THSD4: variants seen among roughly 807,000 people sequenced by gnomAD.
The protein encoded by THSD4 is thrombospondin type-1 domain-containing protein 4.
Under a neutral mutation model 119.0 loss-of-function variants are expected in THSD4, and 69 were observed. The ratio of observed to expected loss-of-function variants is 0.58; its 90% CI spans 0.48 to 0.71. The LOEUF (loss-of-function observed/expected upper bound fraction) is 0.71. THSD4 is among the 30% of genes least tolerant of loss of function. The pLI is 0.00. For missense variants in THSD4, 1,393 were observed against 1,391.1 expected (o/e 1.00, Z -0.02); for synonymous variants, 524 against 540.4 (o/e 0.97, Z 0.42).
chr15:71,104,468 G>C (rs1404456548), intron 1 of THSD4, among the ~76,000 whole-genome samples: 2 of 152,116 alleles, frequency 1.3e-5, no homozygotes, highest in African/African-American at 4.8e-5. Context: ...AGATCCCACA[G>C]GGTTAGTTCT....
intron 7 of THSD4, among the ~76,000 whole-genome samples, chr15:71,442,579 A>AAAATATATAT (rs1195413080): frequency 1.5e-4 from 6 of 39,864 alleles, no homozygotes; most frequent in East Asian, 6.0e-4. Flanking sequence ...AAAAAAAAAA[A>AAAATATATAT]ATATATATAT....
intron 7 of THSD4, among the ~76,000 whole-genome samples, chr15:71,440,544 A>G (rs970571860): frequency 5.9e-5 from 9 of 152,202 alleles, no homozygotes; most frequent in East Asian, 3.8e-4. Flanking sequence ...AGACCATCCA[A>G]TATTTTTTAA....
rs1377549260 is a variant in THSD4, at chr15:71,492,428, CTATTTT to C, written c.1152+80607_1152+80612del. Reference sequence around the variant, plus strand: ...CACAGGTGCGCACCACCATGCCCATCTATTTTTGTTGTTGTTGTTGTTGTTTTTGTA... The same window carrying C: ...CACAGGTGCGCACCACCATGCCCATCTGTTGTTGTTGTTGTTGTTTTTGTA... On this transcript the variant is annotated intron_variant, in intron 7 of 17. Transcript: ENST00000261862. Among the ~76,000 whole-genome samples, 59 of 141,394 alleles carry C rather than the reference CTATTTT, an allele frequency of 4.2e-4. 1 individual carries two copies. Among genetic ancestry groups the C allele is most frequent in the African/African-American group, 1.5e-3 (55 of 37,318 alleles). The allele number at this position is 141,394 out of a possible 152,430, so 92.8% of individuals were successfully genotyped here.
intron 7 of THSD4, among the ~76,000 whole-genome samples, chr15:71,435,042 C>T (rs1470252526): frequency 6.6e-6 from 1 of 152,126 alleles, no homozygotes; most frequent in Non-Finnish European, 1.5e-5. Flanking sequence ...ATGAGCTGCA[C>T]AACAGTAGCT....
chr15:71,763,307 ATATT>A (rs2053656628), intron 15 of THSD4, among the ~76,000 whole-genome samples: 1 of 152,110 alleles, frequency 6.6e-6, no homozygotes, highest in African/African-American at 2.4e-5. Context: ...AGCAAAGCTA[ATATT>A]TAGAGTTTGA....
chr15:71,670,073 C>T (rs1488668447), intron 8 of THSD4, among the ~76,000 whole-genome samples: 10 of 152,082 alleles, frequency 6.6e-5, no homozygotes, highest in Admixed American at 1.3e-4. Context: ...TATGCCACTT[C>T]GGGTGTACCT....
intron 6 of THSD4, chr15:71,342,857 C>A (rs894142): frequency 0.98 from 149,528 of 152,346 alleles, 73,384 homozygotes; most frequent in East Asian, 1. Context: ...AGAGACAGTC[C>A]ACAAGTGTTG....
chr15:71,371,015 T>A (rs1299745932), intron 6 of THSD4, among the ~76,000 whole-genome samples: 4 of 152,214 alleles, frequency 2.6e-5, no homozygotes, highest in Admixed American at 2.6e-4. Flanking sequence ...GTTGAATTGA[T>A]CCCTTTACCA....
chr15:71,389,095 C>T (rs1336986639), intron 6 of THSD4, among the ~76,000 whole-genome samples: 1 of 152,130 alleles, frequency 6.6e-6, no homozygotes, highest in Non-Finnish European at 1.5e-5. Context: ...GAACTGAGTC[C>T]ATTAAACCTC....
intron 7 of THSD4, among the ~76,000 whole-genome samples, chr15:71,618,758 T>C (rs957645037): frequency 5.9e-5 from 9 of 152,032 alleles, no homozygotes; most frequent in African/African-American, 1.7e-4. Flanking sequence ...AAAAATTATT[T>C]GTAGAGACAG....
intron 7 of THSD4, among the ~76,000 whole-genome samples, chr15:71,617,759 G>A (rs537418343): frequency 2.1e-4 from 32 of 152,290 alleles, no homozygotes; most frequent in Non-Finnish European, 4.0e-4. Flanking sequence ...TTCTCCATTC[G>A]TGAATTTTGC....
At chr15:71,576,976 A>G (rs1346022533) in intron 7 of THSD4, among the ~76,000 whole-genome samples, 1 of 152,064 alleles carries the variant, frequency 6.6e-6, no homozygotes, top group Non-Finnish European at 1.5e-5. Flanking sequence ...AGTGATATAC[A>G]ATTACTTTTT....
chr15:71,335,737 T>C (rs2140380158), intron 6 of THSD4, among the ~76,000 whole-genome samples: 2 of 152,298 alleles, frequency 1.3e-5, no homozygotes, highest in Middle Eastern at 3.4e-3. Context: ...AACAGCTGTT[T>C]ATCTTCCTGG....
At chr15:71,276,445 G>T (rs112930418) in intron 6 of THSD4, among the ~76,000 whole-genome samples, 1 of 152,148 alleles carries the variant, frequency 6.6e-6, no homozygotes, top group Non-Finnish European at 1.5e-5. Flanking sequence ...GTCATAACGC[G>T]CAGGTCTCCT....
At chr15:71,656,391 ATAAG>A (rs1426465761) in intron 7 of THSD4, among the ~76,000 whole-genome samples, 1 of 152,236 alleles carries the variant, frequency 6.6e-6, no homozygotes, top group African/African-American at 2.4e-5. Flanking sequence ...CATTATAACA[ATAAG>A]AAAGTAATGC....
At chr15:71,718,728 C>T (rs781017759) in intron 8 of THSD4, among the ~76,000 whole-genome samples, 6 of 152,152 alleles carry the variant, frequency 3.9e-5, no homozygotes, top group Non-Finnish European at 7.3e-5. Context: ...CCCCTCCTGC[C>T]TCTGTCTTTG....
chr15:71,177,775 A>G (rs1200430260), intron 3 of THSD4, among the ~76,000 whole-genome samples: 2 of 142,226 alleles, frequency 1.4e-5, no homozygotes, highest in Non-Finnish European at 3.1e-5. Flanking sequence ...GCAGCACATC[A>G]AAAAGCTTAT....
intron 7 of THSD4, among the ~76,000 whole-genome samples, chr15:71,563,368 C>A (rs981723416): frequency 2.6e-5 from 4 of 152,170 alleles, no homozygotes; most frequent in African/African-American, 9.7e-5. Context: ...GGAACCGTAT[C>A]TTCTAAATGC....
At chr15:71,665,073 C>T (rs990575434) in intron 8 of THSD4, among the ~76,000 whole-genome samples, 17 of 152,186 alleles carry the variant, frequency 1.1e-4, no homozygotes, top group African/African-American at 4.1e-4. Flanking sequence ...CACCACACTG[C>T]TTTCCACCAT....
Sources: allele counts gnomAD v4.1 joint callset (sites outside exome capture counted in the v4.1 genomes callset), GRCh38; gene constraint gnomAD v4.1.1; transcripts MANE v1.5; gene names NCBI Gene and HGNC (gene_info 2026-07-23, HGNC 2026-07-21).